The following VAV3 variants were observed in gnomAD, a reference collection of about 807,000 sequenced individuals.
VAV3 encodes guanine nucleotide exchange factor VAV3.
In VAV3, 94 loss-of-function variants were observed where a neutral mutation model predicts 131.2. That is an observed-to-expected ratio of 0.72 (90% CI 0.61 to 0.85). The LOEUF (loss-of-function observed/expected upper bound fraction) is 0.85, where lower values mean the gene tolerates loss of function less well. Ranked by LOEUF, VAV3 falls within the 40% of genes least tolerant of loss-of-function variation. VAV3 has a pLI of 0.00. For missense variants in VAV3, 939 were observed against 1,002.7 expected, an observed-to-expected ratio of 0.94 and a Z score of 0.86; for synonymous variants, 349 against 342.0, an observed-to-expected ratio of 1.02 and a Z score of -0.22.
intron 1 of VAV3, among the ~76,000 whole-genome samples, chr1:107,954,212 T>C (rs1483082925): frequency 6.6e-6 from 1 of 152,022 alleles, no homozygotes; most frequent in East Asian, 1.9e-4. Context: ...AAAGAATATT[T>C]ATAATAGAAA....
intron 2 of VAV3, among the ~76,000 whole-genome samples, chr1:107,802,376 A>T (rs1570974206): frequency 6.6e-6 from 1 of 152,134 alleles, no homozygotes; most frequent in East Asian, 1.9e-4. Context: ...TCTGGCCAGG[A>T]CTTCCAGTAT....
chr1:107,619,631 G>A (rs1319227063), intron 20 of VAV3, among the ~76,000 whole-genome samples: 3 of 152,116 alleles, frequency 2.0e-5, no homozygotes, highest in Non-Finnish European at 2.9e-5. Flanking sequence ...AGTACATAAA[G>A]GAAATAAGTC....
intron 25 of VAV3, among the ~76,000 whole-genome samples, chr1:107,577,476 G>T (rs528571251): frequency 7.9e-5 from 12 of 152,306 alleles, no homozygotes; most frequent in African/African-American, 2.9e-4. Flanking sequence ...GGCTATGTTT[G>T]CCTAGAGAGA....
chr1:107,672,623 G>A (rs114623787), intron 19 of VAV3, among the ~76,000 whole-genome samples: 2,178 of 151,732 alleles, frequency 0.014, 59 homozygotes, highest in African/African-American at 0.05. Context: ...AAATATTTTC[G>A]ATAAATGTAA....
intron 1 of VAV3, among the ~76,000 whole-genome samples, chr1:107,940,515 A>C (rs183169582): frequency 3.3e-5 from 5 of 152,360 alleles, no homozygotes; most frequent in Admixed American, 3.3e-4. Context: ...TCCTGGTTTC[A>C]GCCTTGCCAG....
At chr1:107,769,299 A>G (rs2102174573) in intron 6 of VAV3, among the ~76,000 whole-genome samples, 1 of 148,548 alleles carries the variant, frequency 6.7e-6, no homozygotes, top group South Asian at 2.1e-4. Context: ...CTAACTTGCC[A>G]CATATTTTGT....
intron 2 of VAV3, among the ~76,000 whole-genome samples, chr1:107,866,480 T>TCTTCTTTA (rs1296322102): frequency 3.9e-5 from 6 of 152,032 alleles, no homozygotes; most frequent in African/African-American, 1.4e-4. Context: ...ATAATCCCAG[T>TCTTCTTTA]GATGAGTACC....
intron 2 of VAV3, among the ~76,000 whole-genome samples, chr1:107,797,278 T>A (rs1045184658): frequency 3.9e-5 from 6 of 152,216 alleles, no homozygotes; most frequent in African/African-American, 1.4e-4. Context: ...CTAGTTTGCC[T>A]CTTAGTAATT....
intron 19 of VAV3, chr1:107,672,268 C>CAAAAAAAAAAAAAAAAAAAAA (rs11299420): frequency 1.3e-5 from 1 of 77,740 alleles, no homozygotes; most frequent in Admixed American, 1.6e-4. Context: ...GACTCTGTCT[C>CAAAAAAAAAAAAAAAAAAAAA]AAAAAAAAAA....
In VAV3 at chr1:107,755,513, C is replaced by A. The variant is rs1483287881; in HGVS notation, c.1087G>T (p.Asp363Tyr). 1 of 1,609,726 alleles carries A rather than the reference C, an allele frequency of 6.2e-7. No homozygotes were observed. The highest frequency in any genetic ancestry group is 8.5e-7 in the Non-Finnish European group (1 of 1,177,264). ...ACTTCATTCACATATTGTGCCAAGT[C>A]CTAGACAATAAAGAAAAGGGTAGAA... ...NLKLALDAMK[D>Y]LAQYVNEVKR... The change falls in exon 12 of 27, where the codon GAC becomes TAC. Residue 363 changes from aspartate to tyrosine, a missense_variant and splice_region_variant. By Grantham distance (160) the Asp-to-Tyr change is radical. Coordinates refer to ENST00000370056, the MANE Select transcript of VAV3 (RefSeq NM_006113.5).
chr1:107,573,273 G>T lies in VAV3; in HGVS notation c.*58C>A. ...TCAGTTAATTCACGATGCTGTGCAG[G>T]CTTCTATTTATCCCTTCTCTGAAAT... On this transcript the variant is annotated 3_prime_UTR_variant, in exon 27 of 27. Transcript: ENST00000370056. 6.3e-7 allele frequency: 1 copy of T among 1,588,586 alleles called. No homozygotes were observed.
At chr1:107,789,533 T>C (rs1170276233) in intron 2 of VAV3, among the ~76,000 whole-genome samples, 1 of 152,186 alleles carries the variant, frequency 6.6e-6, no homozygotes, top group Non-Finnish European at 1.5e-5. Context: ...GTCCTTAAAG[T>C]CTGTGTTCTC....
At chr1:107,833,434 C>T (rs903833899) in intron 2 of VAV3, among the ~76,000 whole-genome samples, 1 of 152,172 alleles carries the variant, frequency 6.6e-6, no homozygotes, top group African/African-American at 2.4e-5. Flanking sequence ...AAGTCATCTT[C>T]ATAACATAAT....
chr1:107,589,670 T>C (rs2101043883), intron 25 of VAV3, among the ~76,000 whole-genome samples: 1 of 152,014 alleles, frequency 6.6e-6, no homozygotes, highest in East Asian at 1.9e-4. Context: ...TAAAATTAGA[T>C]CATATCAAAC....
chr1:107,766,590 C>T, intron 7 of VAV3, 40 bp from the exon 8 acceptor site: 1 of 1,533,360 alleles, frequency 6.5e-7, no homozygotes. Flanking sequence ...GTAGGAATAA[C>T]AACCAAAAAA....
chr1:107,881,512 C>T (rs1275525898), intron 1 of VAV3, among the ~76,000 whole-genome samples: 1 of 152,170 alleles, frequency 6.6e-6, no homozygotes, highest in Non-Finnish European at 1.5e-5. Flanking sequence ...TTAGATGCTG[C>T]CTAGCCTCTC....
At chr1:107,576,605 C>T (rs2100988753) in intron 25 of VAV3, 1 of 762,192 alleles carries the variant, frequency 1.3e-6, no homozygotes, top group South Asian at 2.2e-5. Context: ...CAAACTTTTA[C>T]ATTTTGATAG....
chr1:107,752,347 T>C (rs2102073023), intron 12 of VAV3, among the ~76,000 whole-genome samples: 1 of 152,304 alleles, frequency 6.6e-6, no homozygotes, highest in African/African-American at 2.4e-5. Context: ...TAACTAAAAA[T>C]GTTTCAAATA....
chr1:107,806,838 A>G (rs908115744), intron 2 of VAV3, among the ~76,000 whole-genome samples: 1 of 152,234 alleles, frequency 6.6e-6, no homozygotes, highest in African/African-American at 2.4e-5. Flanking sequence ...AACAAAATCT[A>G]CAGATTCTCA....
Sources: allele counts gnomAD v4.1 joint callset (sites outside exome capture counted in the v4.1 genomes callset), GRCh38; gene constraint gnomAD v4.1.1; transcripts MANE v1.5; gene names NCBI Gene and HGNC (gene_info 2026-07-23, HGNC 2026-07-21).